Variants in GABBR2 observed in about 807,000 individuals in gnomAD.
GABBR2 encodes the protein G-protein coupled receptor 51.
GABBR2 carries 23 observed loss-of-function variants against 105.6 expected under a neutral mutation model. The observed-to-expected ratio is 0.22, with a 90% CI of 0.16 to 0.31. GABBR2 has a LOEUF of 0.31. Among genes scored for constraint, GABBR2 ranks in the 10% least tolerant of loss-of-function variants. GABBR2 has a pLI of 1.00. For synonymous variants in GABBR2, 478 were observed against 499.7 expected, an observed-to-expected ratio of 0.96 and a Z score of 0.58; for missense variants, 734 against 1,245.5, an observed-to-expected ratio of 0.59 and a Z score of 6.18.
intron 3 of GABBR2, among the ~76,000 whole-genome samples, chr9:98,525,052 A>C (rs1258551109): frequency 6.6e-6 from 1 of 152,252 alleles, no homozygotes; most frequent in Non-Finnish European, 1.5e-5. Flanking sequence ...ATCTGACTAT[A>C]AAATTCTTAG....
At chr9:98,395,051 A>T (rs1256126565) in intron 8 of GABBR2, among the ~76,000 whole-genome samples, 1 of 152,040 alleles carries the variant, frequency 6.6e-6, no homozygotes, top group Non-Finnish European at 1.5e-5. Flanking sequence ...ACCTTCTTAC[A>T]GTTCTTGGTG....
At chr9:98,385,179 T>C (rs913527317) in intron 11 of GABBR2, among the ~76,000 whole-genome samples, 12 of 152,204 alleles carry the variant, frequency 7.9e-5, no homozygotes, top group African/African-American at 2.9e-4. Context: ...CTCAGTGGGC[T>C]CTCTTCTAAC....
At position 98,288,340 on chromosome 9, in the gene GABBR2, CTTG is replaced by C. The variant is rs1830231496; in HGVS notation, c.*2241_*2243del. ...AGTAGCTAGAGTCACTTCTGTGGGT[CTTG>C]TTATTTGCGAGGAAATTAAAAAAAA... On this transcript the variant is annotated 3_prime_UTR_variant, in exon 19 of 19. Coordinates refer to ENST00000259455, the MANE Select transcript of GABBR2 (RefSeq NM_005458.8). The C allele has an allele frequency of 6.6e-6, 1 of 152,350 alleles. No individual in the cohort carries two copies. The highest frequency in any genetic ancestry group is 1.5e-5 in the Non-Finnish European group (1 of 67,996). The allele number at this position is 152,350 out of a possible 1,614,324, so 9.4% of individuals were successfully genotyped here.
At chr9:98,648,110 T>TAGATAGATA (rs1490027326) in intron 1 of GABBR2, among the ~76,000 whole-genome samples, 31 of 109,086 alleles carry the variant, frequency 2.8e-4, no homozygotes, top group Non-Finnish European at 4.4e-4. Flanking sequence ...TGTGTGTGTG[T>TAGATAGATA]GTGTGTATAG....
intron 1 of GABBR2, among the ~76,000 whole-genome samples, chr9:98,667,178 G>C (rs1392361366): frequency 6.6e-6 from 1 of 152,168 alleles, no homozygotes; most frequent in African/African-American, 2.4e-5. Flanking sequence ...GAGAGATGAT[G>C]GGTCTCAGCT....
intron 7 of GABBR2, among the ~76,000 whole-genome samples, chr9:98,416,535 G>T (rs1451194986): frequency 6.6e-6 from 1 of 152,174 alleles, no homozygotes; most frequent in Non-Finnish European, 1.5e-5. Context: ...GGGATGATGG[G>T]GACTCCCTGC....
At chr9:98,358,446 C>T (rs1405794704) in intron 13 of GABBR2, among the ~76,000 whole-genome samples, 1 of 152,216 alleles carries the variant, frequency 6.6e-6, no homozygotes, top group African/African-American at 2.4e-5. Context: ...CCTTGGCTTT[C>T]AGCTGAAAAG....
At chr9:98,575,913 A>G (rs1304036458) in intron 2 of GABBR2, among the ~76,000 whole-genome samples, 2 of 152,126 alleles carry the variant, frequency 1.3e-5, no homozygotes, top group Non-Finnish European at 1.5e-5. Context: ...TTGCACGCCC[A>G]GTTTCCTCTG....
chr9:98,571,133 T>C (rs928248177), intron 2 of GABBR2, among the ~76,000 whole-genome samples: 1 of 151,960 alleles, frequency 6.6e-6, no homozygotes, highest in African/African-American at 2.4e-5. Flanking sequence ...GGGGAGGCCA[T>C]GGGGGGCTTT....
intron 1 of GABBR2, among the ~76,000 whole-genome samples, chr9:98,677,990 CTAAGATG>C (rs1830496091): frequency 6.6e-6 from 1 of 152,150 alleles, no homozygotes; most frequent in Admixed American, 6.5e-5. Flanking sequence ...AGCTAGCTAT[CTAAGATG>C]TATTTATTTT....
chr9:98,480,921 G>A lies in GABBR2; in HGVS notation c.798+11C>T, dbSNP rs372050584. On this transcript the variant is annotated intron_variant, in intron 5 of 18. Coordinates refer to ENST00000259455, the MANE Select transcript of GABBR2 (RefSeq NM_005458.8). ...CCCCAAAGACACGAATGATACAACT[G>A]TTTTACTTACACAACAGAACACTTT... 5 of 1,531,734 alleles carry A rather than the reference G, an allele frequency of 3.3e-6. No homozygotes were observed. The African/African-American group carries it at 6.8e-5, about 21-fold the overall frequency. The allele number at this position is 1,531,734 out of a possible 1,614,324, so 94.9% of individuals were successfully genotyped here.
chr9:98,444,015 T>C (rs1826077934), intron 7 of GABBR2, among the ~76,000 whole-genome samples: 1 of 152,240 alleles, frequency 6.6e-6, no homozygotes, highest in Admixed American at 6.5e-5. Context: ...ATATGGACTT[T>C]GAGTCAGTCA....
chr9:98,624,664 T>C (rs1273273075), intron 1 of GABBR2, among the ~76,000 whole-genome samples: 3 of 151,828 alleles, frequency 2.0e-5, no homozygotes, highest in Non-Finnish European at 4.4e-5. Flanking sequence ...AGCAGACACC[T>C]TGACCTCATG....
At chr9:98,319,304 G>A (rs1290924919) in intron 13 of GABBR2, among the ~76,000 whole-genome samples, 1 of 152,178 alleles carries the variant, frequency 6.6e-6, no homozygotes, top group Admixed American at 6.5e-5. Context: ...CAGAGCGCTG[G>A]AGCTGGGAGG....
At chr9:98,651,186 C>A (rs1345706372) in intron 1 of GABBR2, among the ~76,000 whole-genome samples, 1 of 149,460 alleles carries the variant, frequency 6.7e-6, no homozygotes, top group Non-Finnish European at 1.5e-5. Context: ...CTCTGTCACC[C>A]AGGCTGGAGT....
At chr9:98,532,367 TA>T (rs1828083194) in intron 3 of GABBR2, among the ~76,000 whole-genome samples, 2 of 152,232 alleles carry the variant, frequency 1.3e-5, no homozygotes, top group South Asian at 4.1e-4. Flanking sequence ...CCAAGTCACC[TA>T]AAAGCATTGG....
intron 1 of GABBR2, among the ~76,000 whole-genome samples, chr9:98,605,012 C>T (rs1423433357): frequency 6.6e-6 from 1 of 152,208 alleles, no homozygotes; most frequent in Non-Finnish European, 1.5e-5. Flanking sequence ...GGTCCCTGCC[C>T]TCCTGGTCTC....
intron 11 of GABBR2, among the ~76,000 whole-genome samples, chr9:98,385,277 C>A (rs571312671): frequency 6.6e-6 from 1 of 152,300 alleles, no homozygotes; most frequent in African/African-American, 2.4e-5. Context: ...GATCACAACT[C>A]ACTGCAACCT....
In GABBR2 at chr9:98,385,026, G is replaced by A. The variant is rs754608964; in HGVS notation, c.1662+614C>T. On this transcript the variant is annotated intron_variant, in intron 11 of 18. Transcript: ENST00000259455. ...TCAGTCAGACATACAAAGATCTATC[G>A]TCATATTCTTTGATGGTTTTTGAGG... 3.9e-5 allele frequency among the ~76,000 whole-genome samples: 6 copies of A among 152,290 alleles called. No individual in the cohort carries two copies. The South Asian group carries it at 6.2e-4, about 16-fold the overall frequency.
Sources: allele counts gnomAD v4.1 joint callset (sites outside exome capture counted in the v4.1 genomes callset), GRCh38; gene constraint gnomAD v4.1.1; transcripts MANE v1.5; gene names NCBI Gene and HGNC (gene_info 2026-07-23, HGNC 2026-07-21).